OXR1: variants seen among roughly 807,000 people sequenced by gnomAD.
OXR1 encodes the protein oxidation resistance protein 1.
Under a neutral mutation model 104.6 loss-of-function variants are expected in OXR1, and 41 were observed. That is an observed-to-expected ratio of 0.39 (90% CI 0.31 to 0.51). The LOEUF (loss-of-function observed/expected upper bound fraction) is 0.51, where lower values mean the gene tolerates loss of function less well. Among genes scored for constraint, OXR1 ranks in the 20% least tolerant of loss-of-function variants. The probability of loss-of-function intolerance (pLI) is 0.77; values close to 1 mark genes in which losing one functional copy is unlikely to be tolerated. For synonymous variants in OXR1, 348 were observed against 348.4 expected, an observed-to-expected ratio of 1.00 and a Z score of 0.01; for missense variants, 955 against 1,031.9, an observed-to-expected ratio of 0.93 and a Z score of 1.02.
chr8:106,345,497 A>C (rs1815441217), intron 1 of OXR1, among the ~76,000 whole-genome samples: 1 of 152,230 alleles, frequency 6.6e-6, no homozygotes, highest in Non-Finnish European at 1.5e-5. Flanking sequence ...CATAACATTT[A>C]TATAAGTGCA....
At chr8:106,307,763 A>C (rs1813524126) in intron 1 of OXR1, among the ~76,000 whole-genome samples, 1 of 152,160 alleles carries the variant, frequency 6.6e-6, no homozygotes, top group Admixed American at 6.6e-5. Context: ...GCATGACTTT[A>C]AGAAGCAATG....
At chr8:106,695,762 G>T (rs773059832) in intron 7 of OXR1, among the ~76,000 whole-genome samples, 8 of 152,072 alleles carry the variant, frequency 5.3e-5, no homozygotes, top group African/African-American at 1.9e-4. Context: ...TATAAAAAAG[G>T]ATCCCTAACT....
intron 1 of OXR1, among the ~76,000 whole-genome samples, chr8:106,316,118 C>T (rs1220484486): frequency 2.6e-5 from 4 of 152,156 alleles, no homozygotes; most frequent in Non-Finnish European, 4.4e-5. Flanking sequence ...ACTGATGTGG[C>T]TCAACATTGG....
At chr8:106,411,064 A>G (rs944182449) in intron 2 of OXR1, among the ~76,000 whole-genome samples, 5 of 147,742 alleles carry the variant, frequency 3.4e-5, no homozygotes, top group Non-Finnish European at 1.5e-5. Context: ...AATTACATAA[A>G]CAAGTGTCTA....
At chr8:106,740,226 G>C (rs1403565684) in intron 13 of OXR1, 117 bp from the exon 14 acceptor site, 1 of 633,994 alleles carries the variant, frequency 1.6e-6, no homozygotes, top group Non-Finnish European at 2.7e-6. Context: ...AATTTCTACT[G>C]TTAATTTATT....
intron 2 of OXR1, chr8:106,448,062 AT>A (rs1247109851): frequency 2.0e-6 from 3 of 1,535,716 alleles, no homozygotes; most frequent in Non-Finnish European, 2.6e-6. Flanking sequence ...GGTGGGATCT[AT>A]CAGCCTCCAT....
intron 2 of OXR1, among the ~76,000 whole-genome samples, chr8:106,411,618 A>C (rs1413018746): frequency 6.6e-6 from 1 of 152,178 alleles, no homozygotes; most frequent in Non-Finnish European, 1.5e-5. Flanking sequence ...GCAGTAAATA[A>C]TACATATTGA....
intron 2 of OXR1, among the ~76,000 whole-genome samples, chr8:106,385,531 G>A (rs1379460566): frequency 1.3e-5 from 2 of 152,094 alleles, no homozygotes; most frequent in Non-Finnish European, 1.5e-5. Context: ...TATGTGACAG[G>A]CAGTGTTCCA....
At chr8:106,673,272 C>T (rs1425481737) in intron 3 of OXR1, among the ~76,000 whole-genome samples, 2 of 152,182 alleles carry the variant, frequency 1.3e-5, no homozygotes, top group African/African-American at 2.4e-5. Flanking sequence ...AAAGTTGGCT[C>T]TTGCTATGCT....
At chr8:106,621,832 G>A (rs1052457919) in intron 3 of OXR1, among the ~76,000 whole-genome samples, 1 of 152,142 alleles carries the variant, frequency 6.6e-6, no homozygotes, top group Non-Finnish European at 1.5e-5. Flanking sequence ...TCAGTGGAAA[G>A]TCTAAATCAC....
chr8:106,739,697 C>A, intron 13 of OXR1, 114 bp downstream of exon 13: 2 of 953,582 alleles, frequency 2.1e-6, no homozygotes, highest in Non-Finnish European at 3.1e-6. Context: ...TACTATTCCA[C>A]TCCAGTGAAA....
intron 2 of OXR1, among the ~76,000 whole-genome samples, chr8:106,442,558 C>T (rs1402376940): frequency 6.6e-6 from 1 of 151,686 alleles, no homozygotes; most frequent in Non-Finnish European, 1.5e-5. Flanking sequence ...GCTTTTTTTT[C>T]GTTGGTAGGC....
At chr8:106,749,342 CAAA>C (rs1255701170) in intron 16 of OXR1, among the ~76,000 whole-genome samples, 4 of 84,336 alleles carry the variant, frequency 4.7e-5, no homozygotes, top group Non-Finnish European at 5.0e-5. Context: ...GACTCTGTCT[CAAA>C]AAAAAAAAAA....
chr8:106,607,501 C>A (rs568479794), intron 3 of OXR1, among the ~76,000 whole-genome samples: 2 of 152,218 alleles, frequency 1.3e-5, no homozygotes, highest in Non-Finnish European at 2.9e-5. Context: ...TTACACTTAC[C>A]TGGACTACAG....
intron 2 of OXR1, among the ~76,000 whole-genome samples, chr8:106,456,710 A>T (rs1820615535): frequency 6.6e-6 from 1 of 152,136 alleles, no homozygotes. Flanking sequence ...CAGCTATTTG[A>T]TTACCTTTTG....
chr8:106,649,556 GA>G (rs34066181), intron 3 of OXR1, among the ~76,000 whole-genome samples: 4,449 of 122,998 alleles, frequency 0.036, 82 homozygotes, highest in Middle Eastern at 0.057. Flanking sequence ...TACTTTTTTG[GA>G]AAAAAAAAAA....
intron 3 of OXR1, among the ~76,000 whole-genome samples, chr8:106,650,360 T>C (rs573851424): frequency 2.6e-5 from 4 of 152,344 alleles, no homozygotes; most frequent in East Asian, 3.9e-4. Flanking sequence ...TAAGGGCCCA[T>C]GTTCTCAATG....
chr8:106,431,759 G>A (rs76316171), intron 2 of OXR1, among the ~76,000 whole-genome samples: 2,025 of 152,260 alleles, frequency 0.013, 45 homozygotes, highest in African/African-American at 0.046. Context: ...ATGATTCTCA[G>A]AGAAAATAAA....
intron 7 of OXR1, among the ~76,000 whole-genome samples, chr8:106,695,897 A>T (rs1209404481): frequency 4.0e-5 from 6 of 150,952 alleles, no homozygotes; most frequent in Middle Eastern, 3.5e-3. Flanking sequence ...TCATATTTAT[A>T]CTCTCCCCCT....
Sources: allele counts gnomAD v4.1 joint callset (sites outside exome capture counted in the v4.1 genomes callset), GRCh38; gene constraint gnomAD v4.1.1; transcripts MANE v1.5; gene names NCBI Gene and HGNC (gene_info 2026-07-23, HGNC 2026-07-21).